Variants in TRPM7 observed in about 807,000 individuals in gnomAD.
TRPM7 encodes the protein LTRPC ion channel family member 7.
In TRPM7, 134 loss-of-function variants were observed where a neutral mutation model predicts 229.7. The ratio of observed to expected loss-of-function variants is 0.58; its 90% CI spans 0.51 to 0.67. The LOEUF is 0.67. Among genes scored for constraint, TRPM7 ranks in the 30% least tolerant of loss-of-function variants. TRPM7 has a pLI of 0.00. For missense variants in TRPM7, 1,901 were observed against 2,210.0 expected (o/e 0.86, Z 2.80); for synonymous variants, 699 against 715.2 (o/e 0.98, Z 0.36).
chr15:50,650,224 A>G (rs902605385), intron 3 of TRPM7, among the ~76,000 whole-genome samples: 2 of 145,968 alleles, frequency 1.4e-5, no homozygotes, highest in African/African-American at 5.0e-5. Flanking sequence ...AAAAAAAAGA[A>G]TAACTACTTA....
chr15:50,589,597 G>A lies in TRPM7; in HGVS notation c.4384C>T (p.Leu1462=), dbSNP rs770076309. The stretch of plus-strand genomic sequence containing the variant: ...TTTAATAAGGATTTACTTACGGATA[G>A]TATTTTTATCTTGTTTGATGTTTCT... The part of the protein sequence containing the change: ...FKETSNKIKI[L]SNNNTSENTL... Residue 1462 remains leucine (L), a synonymous_variant, in exon 27 of 39, where the codon CTA becomes TTA. Coordinates refer to ENST00000646667, the MANE Select transcript of TRPM7 (RefSeq NM_017672.6). 6.4e-7 allele frequency: 1 copy of A among 1,562,260 alleles called. No individual in the cohort carries two copies. The highest frequency in any genetic ancestry group is 8.8e-7 in the Non-Finnish European group (1 of 1,137,622).
intron 10 of TRPM7, 113 bp from the exon 11 acceptor site, chr15:50,628,362 T>A: frequency 2.9e-6 from 2 of 679,614 alleles, no homozygotes; most frequent in East Asian, 2.8e-5. Context: ...CAGGCTAAAG[T>A]GCAAAGGTGA....
chr15:50,666,289 T>A (rs185471026), intron 1 of TRPM7, among the ~76,000 whole-genome samples: 1 of 150,080 alleles, frequency 6.7e-6, no homozygotes, highest in Non-Finnish European at 1.5e-5. Flanking sequence ...ATACAAAAAA[T>A]TAGCCAAGCA....
chr15:50,632,654 A>G (rs2060772590), intron 9 of TRPM7, among the ~76,000 whole-genome samples: 1 of 152,192 alleles, frequency 6.6e-6, no homozygotes, highest in Non-Finnish European at 1.5e-5. Flanking sequence ...CAGAAGCACA[A>G]ATACAGTCTC....
Position 50,560,175 on chromosome 15 carries a change from T to C in TRPM7, c.*1503A>G, listed in dbSNP as rs2053257416. 2 of 152,388 alleles carry C rather than the reference T, an allele frequency of 1.3e-5. No individual in the cohort carries two copies. The highest frequency in any genetic ancestry group is 4.1e-4 in the South Asian group (2 of 4,822). The allele number at this position is 152,388 out of a possible 1,614,324, so 9.4% of individuals were successfully genotyped here. ...GAAATCAGTATTAATTTAAACATTG[T>C]ACAGGACAGGAGATCAAAAGCACAG... On this transcript the variant is annotated 3_prime_UTR_variant, in exon 39 of 39. Transcript: ENST00000646667.
intron 38 of TRPM7, 40 bp downstream of exon 38, chr15:50,569,847 G>C: frequency 7.2e-7 from 1 of 1,385,226 alleles, no homozygotes; most frequent in Non-Finnish European, 1.0e-6. Flanking sequence ...ACCAAGTTTC[G>C]TAACAATTTA....
rs1173640113 is a variant in TRPM7, at chr15:50,558,463, G to A, written c.*3215C>T. On this transcript the variant is annotated 3_prime_UTR_variant, in exon 39 of 39. Coordinates refer to ENST00000646667, the MANE Select transcript of TRPM7 (RefSeq NM_017672.6). ...ATCCCAGTACTTTGGGTAGCCGGGG[G>A]AGGTGGATCACTTGAGGTCAGGAGT... is the stretch of plus-strand genomic sequence containing the variant. 1 of 152,186 alleles carries A rather than the reference G, an allele frequency of 6.6e-6. No individual in the cohort carries two copies. Among genetic ancestry groups the A allele is most frequent in the Non-Finnish European group, 1.5e-5 (1 of 68,090 alleles). The allele number at this position is 152,186 out of a possible 1,614,324, so 9.4% of individuals were successfully genotyped here.
rs1483322365 is a variant in TRPM7 at position 50,648,794 on chromosome 15, T to G, written c.214A>C (p.Asn72His). ...ACAGACCATTCTTCTATTGCCTGAT[T>G]AAAATGGTCACCCAATTTCACATCT... Reference protein sequence around the residue: ...YSDVKLGDHFNQAIEEWSVEK... With the variant: ...YSDVKLGDHFHQAIEEWSVEK... Residue 72 changes from asparagine (N) to histidine (H), a missense_variant, in exon 4 of 39, where the codon AAT becomes CAT. By Grantham distance (68) the Asn-to-His change is moderately conservative (BLOSUM62 1). Transcript: ENST00000646667. 2 of 1,613,434 alleles carry G rather than the reference T, an allele frequency of 1.2e-6. No homozygotes were observed. Among genetic ancestry groups the G allele is most frequent in the East Asian group, 2.2e-5 (1 of 44,848 alleles).
At chr15:50,577,813 G>C (rs1047385784) in intron 31 of TRPM7, among the ~76,000 whole-genome samples, 2 of 152,142 alleles carry the variant, frequency 1.3e-5, no homozygotes, top group Admixed American at 6.5e-5. Context: ...CTACTGAAAT[G>C]ACCACCAAAT....
chr15:50,609,989 T>C (rs975986540), intron 17 of TRPM7, 28 bp from the exon 18 acceptor site: 1 of 1,478,770 alleles, frequency 6.8e-7, no homozygotes, highest in African/African-American at 1.4e-5. Flanking sequence ...TAATTTTGCA[T>C]TTAAAAATTA....
intron 11 of TRPM7, among the ~76,000 whole-genome samples, chr15:50,627,042 T>A (rs1567036802): frequency 6.6e-6 from 1 of 152,220 alleles, no homozygotes; most frequent in African/African-American, 2.4e-5. Flanking sequence ...GGATCTAGTT[T>A]GTCCTCCGTA....
At chr15:50,568,411 A>G (rs2053716076) in intron 38 of TRPM7, among the ~76,000 whole-genome samples, 1 of 152,194 alleles carries the variant, frequency 6.6e-6, no homozygotes, top group African/African-American at 2.4e-5. Flanking sequence ...CCTAAAAAAG[A>G]GTTAAGTAAG....
intron 1 of TRPM7, among the ~76,000 whole-genome samples, chr15:50,684,222 C>G (rs532807093): frequency 7.9e-5 from 12 of 151,498 alleles, no homozygotes; most frequent in Non-Finnish European, 1.5e-4. Context: ...GCAGGATCTC[C>G]GCTTACTGCA....
intron 1 of TRPM7, among the ~76,000 whole-genome samples, chr15:50,686,144 T>G (rs11854949): frequency 0.078 from 11,871 of 152,246 alleles, 573 homozygotes; most frequent in South Asian, 0.12. Flanking sequence ...TGCCAGCAAC[T>G]GGCGCCAGGA....
chr15:50,671,002 T>C (rs2061976826), intron 1 of TRPM7, among the ~76,000 whole-genome samples: 1 of 152,110 alleles, frequency 6.6e-6, no homozygotes. Context: ...TACTATACAT[T>C]GCGGAATGGC....
intron 3 of TRPM7, among the ~76,000 whole-genome samples, chr15:50,652,714 A>AAAAAAC (rs1213408952): frequency 6.6e-6 from 1 of 152,136 alleles, no homozygotes. Context: ...CTGCTTTGGA[A>AAAAAAC]AAAAACAAAA....
intron 8 of TRPM7, 135 bp downstream of exon 8, chr15:50,634,247 G>A: frequency 1.7e-6 from 1 of 572,070 alleles, no homozygotes; most frequent in East Asian, 4.1e-5. Context: ...CTTGAACCTG[G>A]GAGGTGGAGG....
chr15:50,667,794 A>G (rs904014734), intron 1 of TRPM7, among the ~76,000 whole-genome samples: 3 of 152,234 alleles, frequency 2.0e-5, no homozygotes, highest in African/African-American at 7.2e-5. Context: ...TGGGTTTCAC[A>G]TATCAATAAT....
At chr15:50,569,280 C>CAATTAAATAAT (rs1278943099) in intron 38 of TRPM7, among the ~76,000 whole-genome samples, 4 of 152,088 alleles carry the variant, frequency 2.6e-5, no homozygotes, top group African/African-American at 9.7e-5. Flanking sequence ...CTTTAACTAA[C>CAATTAAATAAT]AATTAAATAA....
Sources: allele counts gnomAD v4.1 joint callset (sites outside exome capture counted in the v4.1 genomes callset), GRCh38; gene constraint gnomAD v4.1.1; transcripts MANE v1.5; gene names NCBI Gene and HGNC (gene_info 2026-07-23, HGNC 2026-07-21).